The following DPP6 variants were observed in gnomAD, a reference collection of about 807,000 sequenced individuals.
DPP6 encodes dipeptidyl peptidase like 6.
A neutral mutation model predicts 122.6 loss-of-function variants in DPP6; 69 were observed. The ratio of observed to expected loss-of-function variants is 0.56; its 90% confidence interval spans 0.46 to 0.69. The LOEUF is 0.69. DPP6 is among the 30% of genes least tolerant of loss of function. The pLI is 0.00. For synonymous variants in DPP6, 418 were observed against 433.1 expected (o/e 0.97, Z 0.43); for missense variants, 928 against 1,116.9 (o/e 0.83, Z 2.41).
At chr7:154,055,473 G>A (rs1860502) in intron 1 of DPP6, 5 of 149,060 alleles carry the variant, frequency 3.4e-5, no homozygotes, top group Middle Eastern at 3.2e-3. Flanking sequence ...CAAAAAAAGA[G>A]ATTAGGTAGA....
chr7:154,178,184 C>T (rs1282550389), intron 1 of DPP6, among the ~76,000 whole-genome samples: 1 of 152,182 alleles, frequency 6.6e-6, no homozygotes, highest in Non-Finnish European at 1.5e-5. Context: ...CTTTGAAGAA[C>T]AAAAGGTCAC....
intron 8 of DPP6, among the ~76,000 whole-genome samples, chr7:154,744,115 G>A (rs1487027551): frequency 6.6e-6 from 1 of 152,054 alleles, no homozygotes; most frequent in Non-Finnish European, 1.5e-5. Flanking sequence ...CTGTGTAATG[G>A]GTTAACTGGA....
intron 1 of DPP6, among the ~76,000 whole-genome samples, chr7:153,997,593 G>A (rs1396274138): frequency 1.4e-5 from 2 of 145,982 alleles, no homozygotes; most frequent in Admixed American, 6.9e-5. Flanking sequence ...TGAGTGCACA[G>A]CACACACACA....
At chr7:154,117,175 T>C (rs930329664) in intron 1 of DPP6, among the ~76,000 whole-genome samples, 13 of 152,088 alleles carry the variant, frequency 8.5e-5, no homozygotes, top group African/African-American at 3.1e-4. Flanking sequence ...TATTGTATCA[T>C]TTAAATTTTT....
At chr7:154,219,971 G>A (rs1023075569) in intron 1 of DPP6, among the ~76,000 whole-genome samples, 3 of 152,174 alleles carry the variant, frequency 2.0e-5, no homozygotes, top group African/African-American at 7.2e-5. Flanking sequence ...GTGGCTGTCT[G>A]TCCCTGTAGA....
intron 16 of DPP6, among the ~76,000 whole-genome samples, chr7:154,813,181 C>T (rs529613763): frequency 3.3e-4 from 50 of 151,728 alleles, no homozygotes; most frequent in African/African-American, 1.1e-3. Context: ...CCTGGTTTCA[C>T]GCCATTCTCC....
chr7:154,884,187 A>C (rs1805840575), intron 21 of DPP6: 1 of 122,602 alleles, frequency 8.2e-6, no homozygotes, highest in African/African-American at 3.3e-5. Flanking sequence ...CTCACACACG[A>C]TTACATACAC....
intron 3 of DPP6, among the ~76,000 whole-genome samples, chr7:154,502,929 C>T (rs1431048553): frequency 2.6e-5 from 4 of 152,134 alleles, no homozygotes; most frequent in Admixed American, 1.3e-4. Context: ...GTTTCACATG[C>T]CTGTGACTCA....
At chr7:154,545,642 G>C (rs1437949087) in intron 4 of DPP6, among the ~76,000 whole-genome samples, 1 of 152,078 alleles carries the variant, frequency 6.6e-6, no homozygotes, top group Non-Finnish European at 1.5e-5. Flanking sequence ...AAACATAATA[G>C]AGCAAAAATT....
chr7:154,399,196 T>C (rs1815355460), intron 1 of DPP6, among the ~76,000 whole-genome samples: 1 of 152,176 alleles, frequency 6.6e-6, no homozygotes, highest in African/African-American at 2.4e-5. Context: ...ACCTTCCTTT[T>C]TTAAAGAAAG....
At chr7:154,234,770 A>G (rs73726174) in intron 1 of DPP6, among the ~76,000 whole-genome samples, 12,230 of 152,128 alleles carry the variant, frequency 0.08, 1,056 homozygotes, top group African/African-American at 0.21. Flanking sequence ...CCATGCAATC[A>G]GGTGTGCACT....
At chr7:154,502,774 T>C (rs1457187035) in intron 3 of DPP6, among the ~76,000 whole-genome samples, 1 of 152,200 alleles carries the variant, frequency 6.6e-6, no homozygotes, top group Non-Finnish European at 1.5e-5. Context: ...CTGAACTCTA[T>C]TTTGTAGTTC....
chr7:154,231,842 T>C (rs985475698), intron 1 of DPP6, among the ~76,000 whole-genome samples: 4 of 152,312 alleles, frequency 2.6e-5, no homozygotes, highest in African/African-American at 9.6e-5. Flanking sequence ...CAGCAGTGTA[T>C]TGATGATTTT....
the DPP6 span, among the ~76,000 whole-genome samples, chr7:153,819,734 A>G: frequency 6.6e-6 from 1 of 152,342 alleles, no homozygotes; most frequent in East Asian, 1.9e-4. Flanking sequence ...ATTTATTACC[A>G]CTGAACTGTA....
the DPP6 span, among the ~76,000 whole-genome samples, chr7:153,834,973 A>G: frequency 6.6e-4 from 100 of 152,352 alleles, no homozygotes; most frequent in Admixed American, 2.2e-3. Flanking sequence ...GAATGGTAGT[A>G]TTAAGAGAGA....
chr7:154,617,823 G>A (rs995216602), intron 5 of DPP6, among the ~76,000 whole-genome samples: 1 of 152,170 alleles, frequency 6.6e-6, no homozygotes, highest in Non-Finnish European at 1.5e-5. Flanking sequence ...ACAAGTTAAA[G>A]ACAGAAGGTT....
chr7:154,222,280 A>G (rs1459698700), intron 1 of DPP6, among the ~76,000 whole-genome samples: 2 of 152,156 alleles, frequency 1.3e-5, no homozygotes, highest in African/African-American at 2.4e-5. Context: ...CTCTAACTCC[A>G]CAGCCACACA....
At chr7:154,205,972 C>T (rs1271383229) in intron 1 of DPP6, among the ~76,000 whole-genome samples, 1 of 152,082 alleles carries the variant, frequency 6.6e-6, no homozygotes, top group Non-Finnish European at 1.5e-5. Context: ...GGCCTCTGAC[C>T]CTTGCCTGAG....
chr7:154,382,860 G>A (rs764107718), intron 1 of DPP6, among the ~76,000 whole-genome samples: 3 of 152,120 alleles, frequency 2.0e-5, no homozygotes, highest in Non-Finnish European at 4.4e-5. Flanking sequence ...CAAGTAGCTG[G>A]GTTTACAGGC....
Sources: allele counts gnomAD v4.1 joint callset (sites outside exome capture counted in the v4.1 genomes callset), GRCh38; gene constraint gnomAD v4.1.1; transcripts MANE v1.5; gene names NCBI Gene and HGNC (gene_info 2026-07-23, HGNC 2026-07-21).